MAML2: variants seen among roughly 807,000 people sequenced by gnomAD.
MAML2 encodes mastermind like transcriptional coactivator 2, also known as mastermind-like protein 2.
In MAML2, 22 loss-of-function variants were observed where a neutral mutation model predicts 96.1. The observed-to-expected ratio is 0.23, with a 90% CI of 0.16 to 0.33. The LOEUF is 0.33. MAML2 is among the 10% of genes least tolerant of loss of function. The pLI is 1.00. For synonymous variants in MAML2, 561 were observed against 521.3 expected (o/e 1.08, Z -1.04); for missense variants, 1,367 against 1,392.4 (o/e 0.98, Z 0.29).
At position 96,323,783 on chromosome 11, in the gene MAML2, G is replaced by C. The variant is rs368862494; in HGVS notation, c.513+17600C>G. ...TCTCTGTGCCTGCAGGGCAGATGTC[G>C]ACAATGAACCACCACAGCTGTCTTT... On this transcript the variant is annotated intron_variant, in intron 1 of 4. Coordinates refer to ENST00000524717, the MANE Select transcript of MAML2 (RefSeq NM_032427.4). Among the ~76,000 whole-genome samples the C allele has an allele frequency of 7.2e-5, 11 of 152,264 alleles. No homozygotes were observed. In the East Asian group the frequency reaches 2.1e-3, roughly 29 times the overall value.
chr11:96,288,542 CAAAAAAAAAAA>C (rs60166307), intron 1 of MAML2, among the ~76,000 whole-genome samples: 1 of 83,982 alleles, frequency 1.2e-5, no homozygotes, highest in Non-Finnish European at 2.6e-5. Context: ...GACTCTGTCT[CAAAAAAAAAAA>C]AAAAAAAACA....
intron 1 of MAML2, among the ~76,000 whole-genome samples, chr11:96,144,487 C>A (rs1447169044): frequency 6.6e-6 from 1 of 152,104 alleles, no homozygotes; most frequent in African/African-American, 2.4e-5. Flanking sequence ...TTAATCAGCT[C>A]TTTTTCATGG....
At chr11:96,002,956 G>A (rs1339667665) in intron 2 of MAML2, among the ~76,000 whole-genome samples, 1 of 150,166 alleles carries the variant, frequency 6.7e-6, no homozygotes, top group African/African-American at 2.5e-5. Context: ...GAAGGATGAT[G>A]GCGATGATGA....
chr11:96,227,431 G>T (rs956607138), intron 1 of MAML2, among the ~76,000 whole-genome samples: 1 of 152,150 alleles, frequency 6.6e-6, no homozygotes, highest in Non-Finnish European at 1.5e-5. Context: ...TGCAGGGAGT[G>T]GTTCTCTCAT....
At chr11:96,319,282 C>T (rs1289521930) in intron 1 of MAML2, among the ~76,000 whole-genome samples, 1 of 152,200 alleles carries the variant, frequency 6.6e-6, no homozygotes, top group African/African-American at 2.4e-5. Context: ...CAGCCCCAAC[C>T]AGTAGTTGGA....
chr11:96,178,091 T>C (rs1591057027), intron 1 of MAML2, among the ~76,000 whole-genome samples: 1 of 104,232 alleles, frequency 9.6e-6, no homozygotes, highest in Admixed American at 9.9e-5. Flanking sequence ...TCTTTCTTTT[T>C]TTTCTTTTTT....
At chr11:96,286,436 T>C (rs182403125) in intron 1 of MAML2, among the ~76,000 whole-genome samples, 18 of 152,284 alleles carry the variant, frequency 1.2e-4, no homozygotes, top group African/African-American at 4.1e-4. Flanking sequence ...TGTTTACCTA[T>C]GTAACAAACT....
At chr11:96,011,572 G>A (rs1858267353) in intron 2 of MAML2, among the ~76,000 whole-genome samples, 1 of 152,132 alleles carries the variant, frequency 6.6e-6, no homozygotes. Flanking sequence ...TCCAAAAGGG[G>A]GAGGGTGGGA....
At chr11:96,137,977 TGGTA>T (rs1860664080) in intron 1 of MAML2, among the ~76,000 whole-genome samples, 1 of 152,162 alleles carries the variant, frequency 6.6e-6, no homozygotes, top group South Asian at 2.1e-4. Context: ...TCTTTATAAC[TGGTA>T]GGCTTTTTGG....
intron 1 of MAML2, among the ~76,000 whole-genome samples, chr11:96,125,954 G>A (rs1320451730): frequency 2.6e-5 from 4 of 152,138 alleles, no homozygotes; most frequent in Non-Finnish European, 5.9e-5. Context: ...GTGGCAAAGA[G>A]GCCCATTATG....
intron 1 of MAML2, among the ~76,000 whole-genome samples, chr11:96,112,432 C>T (rs1331939975): frequency 6.6e-6 from 1 of 152,276 alleles, no homozygotes; most frequent in Non-Finnish European, 1.5e-5. Context: ...CAGGGCTCCG[C>T]CCAAGAACCT....
chr11:96,198,050 GA>G (rs1446628595), intron 1 of MAML2, among the ~76,000 whole-genome samples: 1 of 152,224 alleles, frequency 6.6e-6, no homozygotes, highest in Non-Finnish European at 1.5e-5. Flanking sequence ...GCAGACAATG[GA>G]AAACCATTGA....
chr11:96,063,536 T>A (rs970577469), intron 2 of MAML2, among the ~76,000 whole-genome samples: 1 of 152,206 alleles, frequency 6.6e-6, no homozygotes, highest in African/African-American at 2.4e-5. Context: ...TGTTAAATAC[T>A]TTATACACAT....
chr11:96,040,312 GTGT>G (rs1858788077), intron 2 of MAML2, among the ~76,000 whole-genome samples: 1 of 152,146 alleles, frequency 6.6e-6, no homozygotes, highest in Non-Finnish European at 1.5e-5. Flanking sequence ...GAGATGAAAA[GTGT>G]TGGGGTAAAA....
chr11:96,221,711 T>A (rs922965793), intron 1 of MAML2, among the ~76,000 whole-genome samples: 3 of 121,484 alleles, frequency 2.5e-5, no homozygotes, highest in Admixed American at 1.7e-4. Flanking sequence ...TTTTTTTTTT[T>A]ACTGTTCTCT....
intron 1 of MAML2, among the ~76,000 whole-genome samples, chr11:96,208,669 C>A (rs496115): frequency 0.15 from 22,916 of 151,836 alleles, 1,901 homozygotes; most frequent in East Asian, 0.27. Context: ...TCTTTAACAC[C>A]CCCCAAAGAT....
At chr11:96,042,744 C>CTTTT (rs767509829) in intron 2 of MAML2, among the ~76,000 whole-genome samples, 1,167 of 116,196 alleles carry the variant, frequency 0.01, 55 homozygotes, top group Admixed American at 0.019. Flanking sequence ...CGTTAACGTT[C>CTTTT]TTTTTTTTTT....
intron 1 of MAML2, among the ~76,000 whole-genome samples, chr11:96,165,862 C>T (rs1861180643): frequency 6.6e-6 from 1 of 152,084 alleles, no homozygotes; most frequent in South Asian, 2.1e-4. Context: ...TCTTTGACAT[C>T]AATTGAGGTT....
chr11:96,159,973 A>G (rs762152797), intron 1 of MAML2, among the ~76,000 whole-genome samples: 9 of 152,232 alleles, frequency 5.9e-5, no homozygotes, highest in Non-Finnish European at 1.2e-4. Flanking sequence ...AATTTATTAT[A>G]GTTATTAATA....
Sources: allele counts gnomAD v4.1 joint callset (sites outside exome capture counted in the v4.1 genomes callset), GRCh38; gene constraint gnomAD v4.1.1; transcripts MANE v1.5; gene names NCBI Gene and HGNC (gene_info 2026-07-23, HGNC 2026-07-21).